BEST3: variants seen among roughly 807,000 people sequenced by gnomAD.
BEST3 encodes bestrophin-3.
In BEST3, 50 loss-of-function variants were observed where a neutral mutation model predicts 47.1. The observed-to-expected ratio is 1.06, with a 90% CI of 0.85 to 1.34. BEST3 has a LOEUF of 1.34. Ranked by LOEUF, BEST3 falls within the 40% of genes most tolerant of loss-of-function variation. The pLI, the probability that BEST3 is intolerant of heterozygous loss-of-function variation, is 0.00. For synonymous variants in BEST3, 282 were observed against 298.8 expected (o/e 0.94, Z 0.58); for missense variants, 765 against 817.0 (o/e 0.94, Z 0.78).
chr12:69,654,800 T>C lies in BEST3; in HGVS notation c.*107A>G, dbSNP rs113583351. 479 of 1,477,214 alleles carry C rather than the reference T, an allele frequency of 3.2e-4. 2 individuals carry two copies. In the African/African-American group the frequency reaches 5.9e-3, roughly 18 times the overall value. The allele number at this position is 1,477,214 out of a possible 1,614,324, so 91.5% of individuals were successfully genotyped here. A position where few individuals can be genotyped will look rare whatever the true frequency, so the allele number is the denominator to read the frequency against. ...CTAAGTAGCTTATACAGTGTGATCATGTTTTTTAAAAAGTCGACCAGCCTT... is the reference window on the plus strand; with the variant it reads ...CTAAGTAGCTTATACAGTGTGATCACGTTTTTTAAAAAGTCGACCAGCCTT... On this transcript the variant is annotated 3_prime_UTR_variant, in exon 10 of 10. Transcript: ENST00000330891.
At position 69,663,024 on chromosome 12, in the gene BEST3, C is replaced by T. The variant is rs182456458; in HGVS notation, c.1101-7211G>A. Among the ~76,000 whole-genome samples, 74 of 152,220 alleles carry T rather than the reference C, an allele frequency of 4.9e-4. No individual in the cohort carries two copies. The East Asian group carries it at 5.0e-3, about 10-fold the overall frequency. ...ATAGTTTGTTAGGGTTTTTCCAAGG[C>T]CCTTAAGGGATTATCTTCTTTACTG... is the stretch of plus-strand genomic sequence containing the variant. On this transcript the variant is annotated intron_variant, in intron 9 of 9. Coordinates refer to ENST00000330891, the MANE Select transcript of BEST3 (RefSeq NM_032735.3).
chr12:69,675,997 AT>A (rs974361819), intron 7 of BEST3, among the ~76,000 whole-genome samples: 1 of 151,984 alleles, frequency 6.6e-6, no homozygotes, highest in African/African-American at 2.4e-5. Flanking sequence ...ATTGTCATTG[AT>A]TTTTTTTCTA....
chr12:69,654,707 G>A lies in BEST3; in HGVS notation c.*200C>T. The A allele has an allele frequency of 7.5e-7, 1 of 1,334,660 alleles. No homozygotes were observed. The highest frequency in any genetic ancestry group is 9.6e-7 in the Non-Finnish European group (1 of 1,044,096). 82.7% of individuals were successfully genotyped at this position (1,334,660 alleles called of 1,614,324 possible). A position where few individuals can be genotyped will look rare whatever the true frequency, so the allele number is the denominator to read the frequency against. On this transcript the variant is annotated 3_prime_UTR_variant, in exon 10 of 10. Coordinates refer to ENST00000330891, the MANE Select transcript of BEST3 (RefSeq NM_032735.3). ...CTTCTGATGAAAGCCATGTTGTGTTGGATGACGTGAATGCGTTTGATTTTT... is the reference window on the plus strand; with the variant it reads ...CTTCTGATGAAAGCCATGTTGTGTTAGATGACGTGAATGCGTTTGATTTTT...
chr12:69,655,303 G>A lies in BEST3; in HGVS notation c.1611C>T (p.Ser537=), dbSNP rs781165576. ...LSSEFTGVQP[S]KTEQQQGPMG... ...TGGGGCCCTGCTGCTGCTCAGTCTT[G>A]CTTGGCTGAACCCCTGTAAACTCAG... Residue 537 remains serine, a synonymous_variant, in exon 10 of 10, where the codon AGC becomes AGT. Coordinates refer to ENST00000330891, the MANE Select transcript of BEST3 (RefSeq NM_032735.3). The A allele has an allele frequency of 5.0e-6, 8 of 1,614,162 alleles. No homozygotes were observed. The highest frequency in any genetic ancestry group is 6.8e-6 in the Non-Finnish European group (8 of 1,180,048).
rs781082990 is a variant in BEST3, at chr12:69,655,627, G to T, written c.1287C>A (p.Leu429=). The T allele has an allele frequency of 3.1e-6, 5 of 1,614,024 alleles. No individual in the cohort carries two copies. In the East Asian group the frequency reaches 1.1e-4, roughly 36 times the overall value. Residue 429 remains leucine, a synonymous_variant, in exon 10 of 10, where the codon CTC becomes CTA. Transcript: ENST00000330891. ...DSSMFLPRDD[L]SPARDLLDVP... ...CATCCAGTAGGTCCCTGGCTGGGCT[G>T]AGGTCATCTCGGGGTAAGAACATGG...
intron 4 of BEST3, among the ~76,000 whole-genome samples, chr12:69,686,449 C>G (rs753021765): frequency 6.6e-6 from 1 of 151,756 alleles, no homozygotes; most frequent in Non-Finnish European, 1.5e-5. Context: ...AAAAAACAGC[C>G]TCAAGAAAAC....
chr12:69,676,762 T>G (rs937261922), intron 7 of BEST3, among the ~76,000 whole-genome samples, 154 bp downstream of exon 7: 1 of 152,214 alleles, frequency 6.6e-6, no homozygotes, highest in African/African-American at 2.4e-5. Context: ...TCTCTGAATC[T>G]CTGGCAGAAA....
At chr12:69,676,869 C>G (rs1242520384) in intron 7 of BEST3, 47 bp downstream of exon 7, 5 of 1,582,388 alleles carry the variant, frequency 3.2e-6, no homozygotes, top group Non-Finnish European at 3.5e-6. Context: ...TGTGGAGAGT[C>G]TGGAACATAA....
At chr12:69,668,957 A>T (rs1399230468) in intron 9 of BEST3, among the ~76,000 whole-genome samples, 2 of 152,118 alleles carry the variant, frequency 1.3e-5, no homozygotes, top group Non-Finnish European at 2.9e-5. Context: ...AGCCTGCCTG[A>T]AACCTGAGCC....
downstream of BEST3, among the ~76,000 whole-genome samples, chr12:69,651,840 A>G (rs1252732201): frequency 6.6e-6 from 1 of 151,986 alleles, no homozygotes; most frequent in Non-Finnish European, 1.5e-5. Context: ...AGAAGAAGGA[A>G]GCTAGAGGCG....
intron 8 of BEST3, 136 bp from the exon 9 acceptor site, chr12:69,671,715 T>C (rs1276694069): frequency 1.3e-6 from 1 of 774,850 alleles, no homozygotes; most frequent in Non-Finnish European, 2.1e-6. Context: ...CTGTAGTTCA[T>C]ACTTGCCATG....
At chr12:69,680,290 A>ACTTACACTTGATCTT (rs1885165403) in intron 4 of BEST3, among the ~76,000 whole-genome samples, 1 of 141,272 alleles carries the variant, frequency 7.1e-6, no homozygotes, top group Non-Finnish European at 1.5e-5. Flanking sequence ...GCACTTTAAA[A>ACTTACACTTGATCTT]CTTACAGTTT....
intron 2 of BEST3, among the ~76,000 whole-genome samples, chr12:69,695,049 G>C (rs1358780813): frequency 1.3e-5 from 2 of 152,082 alleles, no homozygotes; most frequent in African/African-American, 4.8e-5. Context: ...ATTAAATTTA[G>C]TCACTCTCTC....
At chr12:69,695,216 C>A (rs115214826) in intron 2 of BEST3, among the ~76,000 whole-genome samples, 1 of 151,920 alleles carries the variant, frequency 6.6e-6, no homozygotes, top group Non-Finnish European at 1.5e-5. Flanking sequence ...ATAATAATGA[C>A]CAAAATACAG....
intron 4 of BEST3, among the ~76,000 whole-genome samples, chr12:69,686,213 AG>A (rs1169127243): frequency 3.3e-5 from 5 of 150,666 alleles, no homozygotes; most frequent in Admixed American, 1.3e-4. Flanking sequence ...CAGCCCACCC[AG>A]GGCAGAAATG....
intron 5 of BEST3, among the ~76,000 whole-genome samples, chr12:69,677,736 G>A (rs1055461508): frequency 2.6e-5 from 4 of 152,072 alleles, no homozygotes; most frequent in Non-Finnish European, 4.4e-5. Flanking sequence ...AGCCATGATT[G>A]TGCCACTATG....
chr12:69,686,103 T>C (rs1885562888), intron 4 of BEST3, among the ~76,000 whole-genome samples: 2 of 149,772 alleles, frequency 1.3e-5, no homozygotes, highest in African/African-American at 4.9e-5. Flanking sequence ...TGAATACCAC[T>C]ATCCCCTTGG....
downstream of BEST3, among the ~76,000 whole-genome samples, chr12:69,651,359 G>T (rs144744944): frequency 2.0e-4 from 31 of 152,286 alleles, no homozygotes; most frequent in African/African-American, 7.0e-4. Context: ...ACGCAGACTT[G>T]TTCAAATTTG....
In BEST3 at chr12:69,665,279, A is replaced by G. The variant is rs144773015; in HGVS notation, c.1100+6149T>C. On this transcript the variant is annotated intron_variant, in intron 9 of 9. Coordinates refer to ENST00000330891, the MANE Select transcript of BEST3 (RefSeq NM_032735.3). ...ACAGCGAACACCAGAGGGAGTCTTA[A>G]TGGCTCTGTCCAAACAAGGCCAGGG... 5.6e-3 allele frequency among the ~76,000 whole-genome samples: 846 copies of G among 152,186 alleles called. 4 individuals are homozygous for G. The highest frequency in any genetic ancestry group is 9.1e-3 in the Non-Finnish European group (617 of 67,970).
Sources: gnomAD v4.1 joint callset for allele counts (sites outside exome capture counted in the v4.1 genomes callset) on GRCh38, gnomAD v4.1.1 for gene constraint, MANE v1.5 for transcripts, NCBI Gene and HGNC (gene_info 2026-07-23, HGNC 2026-07-21) for gene names.